Variants in HMG20A observed in about 807,000 individuals in gnomAD.
The protein encoded by HMG20A is high mobility group protein 20A.
Under a neutral mutation model 43.9 loss-of-function variants are expected in HMG20A, and 17 were observed. That is an observed-to-expected ratio of 0.39 (90% CI 0.27 to 0.58). HMG20A has a LOEUF of 0.58. HMG20A is among the 20% of genes least tolerant of loss of function. The pLI, the probability that HMG20A is intolerant of heterozygous loss-of-function variation, is 0.59. For synonymous variants in HMG20A, 132 were observed against 147.5 expected, an observed-to-expected ratio of 0.89 and a Z score of 0.76; for missense variants, 341 against 438.2, an observed-to-expected ratio of 0.78 and a Z score of 1.98.
In HMG20A at chr15:77,446,733, G is replaced by A. The variant is rs547065888; in HGVS notation, c.-4-11671G>A. Among the ~76,000 whole-genome samples the A allele has an allele frequency of 1.2e-3, 188 of 151,960 alleles. 1 individual carries two copies. The highest frequency in any genetic ancestry group is 4.4e-3 in the African/African-American group (183 of 41,426). On this transcript the variant is annotated intron_variant, in intron 1 of 9. Coordinates refer to ENST00000336216, the MANE Select transcript of HMG20A (RefSeq NM_001304504.2). ...GAGGCAGGAGAATGGCGTGAACCCT[G>A]GAGGCAGAGCTTGCAGTGAGCCAAG... is the stretch of plus-strand genomic sequence containing the variant.
At chr15:77,429,995 G>A (rs769253462) in intron 1 of HMG20A, among the ~76,000 whole-genome samples, 17 of 152,164 alleles carry the variant, frequency 1.1e-4, no homozygotes, top group Non-Finnish European at 1.9e-4. Flanking sequence ...ACAATTTGTA[G>A]TTATTGAAAA....
the HMG20A span, among the ~76,000 whole-genome samples, chr15:77,503,275 T>A: frequency 6.6e-6 from 1 of 152,182 alleles, no homozygotes; most frequent in African/African-American, 2.4e-5. Context: ...CAGTCACTGA[T>A]AGCAAAATCT....
At chr15:77,463,690 A>G (rs1385165948) in intron 2 of HMG20A, among the ~76,000 whole-genome samples, 8 of 152,242 alleles carry the variant, frequency 5.3e-5, no homozygotes, top group Non-Finnish European at 7.3e-5. Context: ...ATTAACATGT[A>G]TACCTGAACT....
chr15:77,477,303 C>T (rs536708282), intron 6 of HMG20A, among the ~76,000 whole-genome samples: 1 of 152,174 alleles, frequency 6.6e-6, no homozygotes, highest in Non-Finnish European at 1.5e-5. Context: ...GGGAAATTTA[C>T]GTAACTTTGT....
At chr15:77,454,549 G>GTA (rs1167124059) in intron 1 of HMG20A, among the ~76,000 whole-genome samples, 1 of 152,136 alleles carries the variant, frequency 6.6e-6, no homozygotes, top group Non-Finnish European at 1.5e-5. Context: ...CATACAAAGT[G>GTA]ATTACTAAGA....
intron 8 of HMG20A, among the ~76,000 whole-genome samples, chr15:77,478,829 T>G (rs1221727799): frequency 6.6e-6 from 1 of 152,184 alleles, no homozygotes; most frequent in Admixed American, 6.5e-5. Context: ...CTTATGTATG[T>G]TTGTTTGCTT....
At chr15:77,439,528 A>C (rs891450977) in intron 1 of HMG20A, among the ~76,000 whole-genome samples, 1 of 152,120 alleles carries the variant, frequency 6.6e-6, no homozygotes, top group Non-Finnish European at 1.5e-5. Context: ...TTGGCTCATC[A>C]TTATATCTAT....
intron 1 of HMG20A, among the ~76,000 whole-genome samples, chr15:77,426,777 A>G (rs1286342734): frequency 6.6e-6 from 1 of 152,140 alleles, no homozygotes; most frequent in African/African-American, 2.4e-5. Flanking sequence ...GAGCCAGAAG[A>G]AAGAAGCAAG....
At chr15:77,445,248 C>T (rs981275043) in intron 1 of HMG20A, among the ~76,000 whole-genome samples, 24 of 152,212 alleles carry the variant, frequency 1.6e-4, no homozygotes, top group African/African-American at 5.5e-4. Flanking sequence ...CGTTGTCTCA[C>T]AGCTGCAGGT....
intron 1 of HMG20A, among the ~76,000 whole-genome samples, chr15:77,428,041 T>C (rs981454681): frequency 2.0e-5 from 3 of 152,190 alleles, no homozygotes; most frequent in African/African-American, 7.2e-5. Flanking sequence ...TAATGGAAAG[T>C]GGAAAATCTG....
chr15:77,444,969 TC>T, intron 1 of HMG20A, among the ~76,000 whole-genome samples: 1 of 151,478 alleles, frequency 6.6e-6, no homozygotes, highest in Admixed American at 6.5e-5. Context: ...CTGAGGAAAT[TC>T]CTCTGCTATC....
At chr15:77,491,531 A>G in the HMG20A span, among the ~76,000 whole-genome samples, 7 of 152,100 alleles carry the variant, frequency 4.6e-5, no homozygotes, top group South Asian at 2.1e-4. Flanking sequence ...AGTACTCACT[A>G]TGTGTTTTGG....
chr15:77,506,133 T>A, the HMG20A span, among the ~76,000 whole-genome samples: 1 of 150,220 alleles, frequency 6.7e-6, no homozygotes, highest in Non-Finnish European at 1.5e-5. Context: ...TAAATTTGAA[T>A]TTCAGATAAA....
chr15:77,491,006 G>T, the HMG20A span, among the ~76,000 whole-genome samples: 1 of 152,164 alleles, frequency 6.6e-6, no homozygotes, highest in African/African-American at 2.4e-5. Context: ...ATTAAGGAAT[G>T]GTCTCCTTTT....
At chr15:77,494,697 T>G in the HMG20A span, among the ~76,000 whole-genome samples, 3 of 152,220 alleles carry the variant, frequency 2.0e-5, no homozygotes, top group Admixed American at 2.0e-4. Context: ...ATTTACTGGT[T>G]GTTTCTTAGA....
At chr15:77,442,707 T>A (rs1595916617) in intron 1 of HMG20A, among the ~76,000 whole-genome samples, 1 of 152,302 alleles carries the variant, frequency 6.6e-6, no homozygotes, top group South Asian at 2.1e-4. Flanking sequence ...TCCTTGTTTG[T>A]TTGTTTTTGA....
At chr15:77,439,949 C>G (rs1379360506) in intron 1 of HMG20A, among the ~76,000 whole-genome samples, 1 of 151,836 alleles carries the variant, frequency 6.6e-6, no homozygotes, top group Non-Finnish European at 1.5e-5. Flanking sequence ...GTCTCTTTTT[C>G]TATAGCTATT....
At chr15:77,474,971 A>G (rs1029270654) in intron 6 of HMG20A, among the ~76,000 whole-genome samples, 1 of 152,220 alleles carries the variant, frequency 6.6e-6, no homozygotes, top group Non-Finnish European at 1.5e-5. Flanking sequence ...AAGCCAGCCC[A>G]CTAGACCCAA....
chr15:77,476,608 A>G (rs993967547), intron 6 of HMG20A, among the ~76,000 whole-genome samples: 6 of 151,332 alleles, frequency 4.0e-5, no homozygotes, highest in African/African-American at 1.2e-4. Flanking sequence ...CATGTTTTTC[A>G]TGTTATAAAG....
Sources: gnomAD v4.1 joint callset for allele counts (sites outside exome capture counted in the v4.1 genomes callset) on GRCh38, gnomAD v4.1.1 for gene constraint, MANE v1.5 for transcripts, NCBI Gene and HGNC (gene_info 2026-07-23, HGNC 2026-07-21) for gene names.